SLC25A16: variants seen among roughly 807,000 people sequenced by gnomAD.
SLC25A16 encodes solute carrier family 25 member 16, also known as mitochondrial coenzyme A transporter SLC25A16.
Under a neutral mutation model 41.5 loss-of-function variants are expected in SLC25A16, and 39 were observed. The ratio of observed to expected loss-of-function variants is 0.94; its 90% CI spans 0.73 to 1.23. The LOEUF (loss-of-function observed/expected upper bound fraction) is 1.23, where lower values mean the gene tolerates loss of function less well. Among genes scored for constraint, SLC25A16 ranks in the 50% most tolerant of loss-of-function variants. The probability of loss-of-function intolerance (pLI) is 0.00; values close to 1 mark genes in which losing one functional copy is unlikely to be tolerated. For synonymous variants in SLC25A16, 146 were observed against 147.8 expected, an observed-to-expected ratio of 0.99 and a Z score of 0.09; for missense variants, 421 against 426.9, an observed-to-expected ratio of 0.99 and a Z score of 0.12.
intron 2 of SLC25A16, among the ~76,000 whole-genome samples, chr10:68,515,552 A>G (rs1250850065): frequency 6.6e-6 from 1 of 151,946 alleles, no homozygotes; most frequent in South Asian, 2.1e-4. Flanking sequence ...TAATCCCAGC[A>G]CTTTGGGAGG....
intron 3 of SLC25A16, 90 bp from the exon 4 acceptor site, chr10:68,503,785 C>A: frequency 1.2e-6 from 1 of 805,858 alleles, no homozygotes; most frequent in Non-Finnish European, 2.1e-6. Flanking sequence ...TCAAGAGTTA[C>A]AGGACTAATA....
At chr10:68,515,382 C>G (rs868411849) in intron 2 of SLC25A16, among the ~76,000 whole-genome samples, 118 of 139,872 alleles carry the variant, frequency 8.4e-4, no homozygotes, top group African/African-American at 2.9e-3. Flanking sequence ...AAAAAAAAAG[C>G]AAGCACTGGA....
intron 6 of SLC25A16, among the ~76,000 whole-genome samples, chr10:68,489,048 T>TTACCTGAGGTCAGGCGTTCGAGATC (rs1196956967): frequency 6.6e-6 from 1 of 152,112 alleles, no homozygotes; most frequent in East Asian, 1.9e-4. Context: ...GGTGGGCGGA[T>TTACCTGAGGTCAGGCGTTCGAGATC]TACCTGAGGT....
At chr10:68,483,811 C>T (rs149456778) in intron 8 of SLC25A16, among the ~76,000 whole-genome samples, 3,604 of 152,054 alleles carry the variant, frequency 0.024, 134 homozygotes, top group African/African-American at 0.082. Context: ...TACAGGCACG[C>T]GCCACCATGC....
intron 1 of SLC25A16, among the ~76,000 whole-genome samples, chr10:68,522,631 C>T (rs186431711): frequency 2.0e-3 from 311 of 152,004 alleles, no homozygotes; most frequent in Non-Finnish European, 3.7e-3. Context: ...CTTGCTAACA[C>T]GGTGAAACCC....
chr10:68,483,997 A>T (rs532120227), intron 8 of SLC25A16, among the ~76,000 whole-genome samples: 12 of 152,308 alleles, frequency 7.9e-5, no homozygotes, highest in African/African-American at 2.9e-4. Context: ...GTTAAATGCC[A>T]TCTTGAATAG....
intron 1 of SLC25A16, chr10:68,517,048 A>C (rs1046536617): frequency 8.0e-7 from 1 of 1,246,284 alleles, no homozygotes; most frequent in Non-Finnish European, 1.0e-6. Flanking sequence ...AAACTTACTA[A>C]AACAAATTTT....
chr10:68,513,443 GAAAA>G (rs1429446994), intron 2 of SLC25A16, among the ~76,000 whole-genome samples: 1 of 148,702 alleles, frequency 6.7e-6, no homozygotes, highest in African/African-American at 2.5e-5. Flanking sequence ...GAAAAGAAAA[GAAAA>G]AATATTGACA....
chr10:68,523,323 G>C (rs1421758888), intron 1 of SLC25A16, among the ~76,000 whole-genome samples: 1 of 151,884 alleles, frequency 6.6e-6, no homozygotes, highest in Non-Finnish European at 1.5e-5. Context: ...CAACTCATTA[G>C]CTCAAGCTAT....
Position 68,510,375 on chromosome 10 carries a change from T to TA in SLC25A16, c.224-3658dup, listed in dbSNP as rs1235012542. Among the ~76,000 whole-genome samples the TA allele has an allele frequency of 1.0e-4, 12 of 119,658 alleles. No homozygotes were observed. In the East Asian group the frequency reaches 2.1e-3, roughly 21 times the overall value. 78.5% of individuals were successfully genotyped at this position (119,658 alleles called of 152,430 possible). ...GATGAAACCCTGTCTCTACTAAAAA[T>TA]ACAAAAAAAAAAAAAAATTAGCCAG... On this transcript the variant is annotated intron_variant, in intron 2 of 8. Coordinates refer to ENST00000609923, the MANE Select transcript of SLC25A16 (RefSeq NM_152707.4).
chr10:68,493,123 G>T lies in SLC25A16; in HGVS notation c.610+9C>A. The T allele has an allele frequency of 4.6e-6, 7 of 1,521,650 alleles. No individual in the cohort carries two copies. Among genetic ancestry groups the T allele is most frequent in the Non-Finnish European group, 6.2e-6 (7 of 1,120,964 alleles). 94.3% of individuals were successfully genotyped at this position (1,521,650 alleles called of 1,614,324 possible). A position where few individuals can be genotyped will look rare whatever the true frequency, so the allele number is the denominator to read the frequency against. On this transcript the variant is annotated intron_variant, in intron 6 of 8. Coordinates refer to ENST00000609923, the MANE Select transcript of SLC25A16 (RefSeq NM_152707.4). Reference sequence around the variant, plus strand: ...TGCATATTAGGATTCTGGCAAATTTGAAACATACCTGCATATGGAGCCATT... The same window carrying T: ...TGCATATTAGGATTCTGGCAAATTTTAAACATACCTGCATATGGAGCCATT...
Position 68,480,814 on chromosome 10 carries a change from C to A in SLC25A16, c.*2618G>T, listed in dbSNP as rs1426822318. 4 of 150,040 alleles carry A rather than the reference C, an allele frequency of 2.7e-5. No individual in the cohort carries two copies. Among genetic ancestry groups the A allele is most frequent in the African/African-American group, 9.8e-5 (4 of 40,882 alleles). 9.3% of individuals were successfully genotyped at this position (150,040 alleles called of 1,614,324 possible). On this transcript the variant is annotated 3_prime_UTR_variant, in exon 9 of 9. Transcript: ENST00000609923. ...CCCGGCTCAATACTTATTTTATATA[C>A]TTAAATTATCTTAACATTTAATAAC... is the stretch of plus-strand genomic sequence containing the variant.
Position 68,483,158 on chromosome 10 carries a change from C to A in SLC25A16, c.*274G>T. 4.1e-6 allele frequency: 1 copy of A among 244,198 alleles called. No individual in the cohort carries two copies. The highest frequency in any genetic ancestry group is 7.7e-5 in the East Asian group (1 of 13,034). 15.1% of individuals were successfully genotyped at this position (244,198 alleles called of 1,614,324 possible). ...CAACCTCTTGAACCCCGTTTTAAAG[C>A]TAGTTCTACTTCCAAATAAAACTTT... On this transcript the variant is annotated 3_prime_UTR_variant, in exon 9 of 9. Coordinates refer to ENST00000609923, the MANE Select transcript of SLC25A16 (RefSeq NM_152707.4).
At chr10:68,514,444 A>C (rs934205335) in intron 2 of SLC25A16, among the ~76,000 whole-genome samples, 1 of 152,032 alleles carries the variant, frequency 6.6e-6, no homozygotes, top group Admixed American at 6.6e-5. Flanking sequence ...TGCAGTGAGC[A>C]GAGATCACAC....
At chr10:68,507,139 C>G (rs1037140687) in intron 2 of SLC25A16, among the ~76,000 whole-genome samples, 5 of 140,222 alleles carry the variant, frequency 3.6e-5, no homozygotes, top group Admixed American at 1.6e-4. Flanking sequence ...GTGGCGCGAT[C>G]TGGGCTCACT....
intron 4 of SLC25A16, among the ~76,000 whole-genome samples, chr10:68,500,952 AT>A (rs1015762051): frequency 1.3e-5 from 2 of 150,344 alleles, no homozygotes; most frequent in African/African-American, 4.9e-5. Flanking sequence ...AAAAAAGATA[AT>A]TACAAAGTGA....
intron 4 of SLC25A16, among the ~76,000 whole-genome samples, chr10:68,497,408 C>A (rs181934727): frequency 6.6e-6 from 1 of 152,114 alleles, no homozygotes; most frequent in African/African-American, 2.4e-5. Context: ...TCAAGGTTGA[C>A]TAAATATCAG....
chr10:68,525,853 A>T (rs2053329059), intron 1 of SLC25A16, among the ~76,000 whole-genome samples: 1 of 152,174 alleles, frequency 6.6e-6, no homozygotes, highest in Non-Finnish European at 1.5e-5. Flanking sequence ...AGTTGAATGG[A>T]TTAAGGGCGG....
At position 68,480,557 on chromosome 10, in the gene SLC25A16, C is replaced by A. The variant is rs1398513919; in HGVS notation, c.*2875G>T. ...TGTCGCCCAGGTTAGAATGCAGTGG[C>A]ACGATCTCGGCTCACTGCAAGCTCC... On this transcript the variant is annotated 3_prime_UTR_variant, in exon 9 of 9. Transcript: ENST00000609923. 1 of 141,686 alleles carries A rather than the reference C, an allele frequency of 7.1e-6. No individual in the cohort carries two copies. Among genetic ancestry groups the A allele is most frequent in the Non-Finnish European group, 1.5e-5 (1 of 66,752 alleles). 8.8% of individuals were successfully genotyped at this position (141,686 alleles called of 1,614,324 possible). A position where few individuals can be genotyped will look rare whatever the true frequency, so the allele number is the denominator to read the frequency against.
Sources: allele counts gnomAD v4.1 joint callset (sites outside exome capture counted in the v4.1 genomes callset), GRCh38; gene constraint gnomAD v4.1.1; transcripts MANE v1.5; gene names NCBI Gene and HGNC (gene_info 2026-07-23, HGNC 2026-07-21).